Variants in CDH23 observed in about 807,000 individuals in gnomAD.
The protein encoded by CDH23 is cadherin related 23, also known as cadherin-23.
Under a neutral mutation model 317.1 loss-of-function variants are expected in CDH23, and 189 were observed. The ratio of observed to expected loss-of-function variants is 0.60; its 90% CI spans 0.53 to 0.67. The LOEUF (loss-of-function observed/expected upper bound fraction) is 0.67, where lower values mean the gene tolerates loss of function less well. Among genes scored for constraint, CDH23 ranks in the 30% least tolerant of loss-of-function variants. The pLI is 0.00. For missense variants in CDH23, 4,401 were observed against 4,592.4 expected (o/e 0.96, Z 1.20); for synonymous variants, 1,839 against 1,876.8 (o/e 0.98, Z 0.52).
At chr10:71,412,637 T>A (rs980751165) in intron 1 of CDH23, among the ~76,000 whole-genome samples, 1 of 152,178 alleles carries the variant, frequency 6.6e-6, no homozygotes, top group African/African-American at 2.4e-5. Context: ...GCTTCCCAAG[T>A]AGCTGGGCCT....
chr10:71,512,681 C>T (rs1345046144), intron 6 of CDH23, among the ~76,000 whole-genome samples: 1 of 152,214 alleles, frequency 6.6e-6, no homozygotes, highest in African/African-American at 2.4e-5. Context: ...CTCTCCTGCC[C>T]TTGGGCTGGG....
In CDH23 at chr10:71,783,357, T is replaced by C. The variant is rs1841008472; in HGVS notation, c.5369-930T>C. Reference sequence around the variant, plus strand: ...TCACCCCGCCCCGGTCAGCTCTGAGTGGTGCTGTCTGGAAAGAACACAAGT... The same window carrying C: ...TCACCCCGCCCCGGTCAGCTCTGAGCGGTGCTGTCTGGAAAGAACACAAGT... On this transcript the variant is annotated intron_variant, in intron 41 of 69. Coordinates refer to ENST00000224721, the MANE Select transcript of CDH23 (RefSeq NM_022124.6). Among the ~76,000 whole-genome samples the C allele has an allele frequency of 2.6e-5, 4 of 152,282 alleles. No individual in the cohort carries two copies. The South Asian group carries it at 8.3e-4, about 32-fold the overall frequency.
At position 71,677,558 on chromosome 10, in the gene CDH23, C is replaced by T. The variant is rs772759153; in HGVS notation, c.1617C>T (p.Gly539=). Residue 539 remains glycine (G), a synonymous_variant, in exon 16 of 70, where the codon GGC becomes GGT. Coordinates refer to ENST00000224721, the MANE Select transcript of CDH23 (RefSeq NM_022124.6). ...FTLTIIARDG[G]GEETTGRVRI... ...TGACGATCATTGCCCGGGACGGGGG[C>T]GGCGAGGAGACCACAGGCCGGGTCA... 18 of 1,611,288 alleles carry T rather than the reference C, an allele frequency of 1.1e-5. No individual in the cohort carries two copies. Among genetic ancestry groups the T allele is most frequent in the South Asian group, 3.3e-5 (3 of 90,124 alleles).
At chr10:71,762,114 T>C in intron 38 of CDH23, 1 of 1,414,816 alleles carries the variant, frequency 7.1e-7, no homozygotes, top group Non-Finnish European at 9.3e-7. Flanking sequence ...TAGCCTCTGC[T>C]ACTTCCCAGC....
In CDH23 at chr10:71,751,353, C is replaced by T. The variant is rs1040406837; in HGVS notation, c.4845+9432C>T. ...CTGCCCCTCACCCTCAACCCCACCC[C>T]GTGAGGCCGTGGAACTCTTCAGGGA... On this transcript the variant is annotated intron_variant, in intron 38 of 69. Transcript: ENST00000224721. The surrounding 1 kb of genome is among the most constrained non-coding windows in gnomAD (Gnocchi z 4.9). 42 of 1,517,120 alleles carry T rather than the reference C, an allele frequency of 2.8e-5. No individual in the cohort carries two copies. The highest frequency in any genetic ancestry group is 2.5e-4 in the African/African-American group (18 of 72,414). The allele number at this position is 1,517,120 out of a possible 1,614,324, so 94.0% of individuals were successfully genotyped here. A position where few individuals can be genotyped will look rare whatever the true frequency, so the allele number is the denominator to read the frequency against.
In CDH23 at chr10:71,811,254, A is replaced by G. The variant is rs377077976; in HGVS notation, c.9078-61A>G. 70 of 1,612,316 alleles carry G rather than the reference A, an allele frequency of 4.3e-5. 2 individuals carry two copies. In the African/African-American group the frequency reaches 8.8e-4, roughly 20 times the overall value. On this transcript the variant is annotated intron_variant, in intron 62 of 69. Transcript: ENST00000224721. ...TGGAGGCTTGAGGCAGGAGCAGAGC[A>G]GACTGTCGGTGGTGGGGGAATGGCT...
chr10:71,623,664 G>A (rs956905107), intron 11 of CDH23, among the ~76,000 whole-genome samples: 9 of 152,214 alleles, frequency 5.9e-5, no homozygotes, highest in African/African-American at 1.4e-4. Context: ...AGTGTCTGAC[G>A]GTTTAGCAGT....
rs148866638 is a variant in CDH23 at position 71,765,644 on chromosome 10, G to A, written c.4846-12036G>A. Among the ~76,000 whole-genome samples, 194 of 152,272 alleles carry A rather than the reference G, an allele frequency of 1.3e-3. No individual in the cohort carries two copies. The South Asian group carries it at 0.019, about 15-fold the overall frequency. Reference sequence around the variant, plus strand: ...TGGAGGCAACTTCCTTGAGATGCACGGCGGGTGGGTGCATCAGAGAGAAAG... The same window carrying A: ...TGGAGGCAACTTCCTTGAGATGCACAGCGGGTGGGTGCATCAGAGAGAAAG... On this transcript the variant is annotated intron_variant, in intron 38 of 69. Coordinates refer to ENST00000224721, the MANE Select transcript of CDH23 (RefSeq NM_022124.6).
At chr10:71,787,525 C>G (rs1841138182) in intron 44 of CDH23, among the ~76,000 whole-genome samples, 1 of 146,338 alleles carries the variant, frequency 6.8e-6, no homozygotes, top group African/African-American at 2.6e-5. Flanking sequence ...AATTTTTCAA[C>G]CCTCACCCTC....
Position 71,414,047 on chromosome 10 carries a change from TTGTGTGTG to T in CDH23, c.-6+16759_-6+16766del, listed in dbSNP as rs34017042. On this transcript the variant is annotated intron_variant, in intron 1 of 69. Coordinates refer to ENST00000224721, the MANE Select transcript of CDH23 (RefSeq NM_022124.6). ...TGCTGAATTTATTAGCTCCTGGGTT[TTGTGTGTG>T]TGTGTGTGTGTGTGTGTGTGTGTGT... 2.6e-3 allele frequency among the ~76,000 whole-genome samples: 375 copies of T among 142,990 alleles called. 3 individuals are homozygous for T. The highest frequency in any genetic ancestry group is 8.9e-3 in the African/African-American group (341 of 38,218). The allele number at this position is 142,990 out of a possible 152,430, so 93.8% of individuals were successfully genotyped here.
chr10:71,712,857 G>A (rs1230211912), intron 28 of CDH23, 44 bp downstream of exon 28: 2 of 1,595,228 alleles, frequency 1.3e-6, no homozygotes, highest in African/African-American at 2.7e-5. Flanking sequence ...GGCTGGGGGA[G>A]GCGGAGCCAC....
intron 11 of CDH23, chr10:71,617,662 C>G: frequency 2.2e-6 from 1 of 462,446 alleles, no homozygotes; most frequent in Non-Finnish European, 2.8e-6. Context: ...TCATACTAAT[C>G]TAGTAGGGAT....
intron 11 of CDH23, among the ~76,000 whole-genome samples, chr10:71,640,487 C>G (rs1265118211): frequency 6.6e-6 from 1 of 152,228 alleles, no homozygotes; most frequent in Non-Finnish European, 1.5e-5. Flanking sequence ...CGGTGGCTCA[C>G]GCCTGTAATC....
At position 71,738,507 on chromosome 10, in the gene CDH23, A is replaced by T. The variant is rs1169540818; in HGVS notation, c.4219A>T (p.Thr1407Ser). 1 of 1,613,960 alleles carries T rather than the reference A, an allele frequency of 6.2e-7. No homozygotes were observed. Among genetic ancestry groups the T allele is most frequent in the South Asian group, 1.1e-5 (1 of 91,086 alleles). Residue 1407 changes from threonine to serine, a missense_variant, in exon 35 of 70, where the codon ACT becomes TCT. Transcript: ENST00000224721. ...KVDSTVKVYI[T>S]VLDENDNSPR... ...CCACGTTCACCCTCAGGTCTACATC[A>T]CTGTGCTGGACGAGAATGACAACAG... is the stretch of plus-strand genomic sequence containing the variant.
At chr10:71,673,652 C>G (rs1276802122) in intron 14 of CDH23, among the ~76,000 whole-genome samples, 1 of 152,248 alleles carries the variant, frequency 6.6e-6, no homozygotes, top group African/African-American at 2.4e-5. Context: ...AGGATTCAAA[C>G]CCAGCACAGT....
At chr10:71,708,573 G>A (rs1485348323) in intron 26 of CDH23, among the ~76,000 whole-genome samples, 1 of 152,198 alleles carries the variant, frequency 6.6e-6, no homozygotes, top group East Asian at 1.9e-4. Flanking sequence ...TCCTCCCTCT[G>A]TGGAGCCTCC....
rs968811097 is a variant in CDH23, at chr10:71,803,746, G to C, written c.7872+326G>C. ...GCACTTTGGGAGGCCAAGGCAGGTG[G>C]AACATTTGAGGTCAGGAGTTCGAGA... On this transcript the variant is annotated intron_variant, in intron 55 of 69. Transcript: ENST00000224721. Among the ~76,000 whole-genome samples the C allele has an allele frequency of 2.8e-5, 4 of 143,884 alleles. No homozygotes were observed. The Admixed American group carries it at 2.9e-4, about 11-fold the overall frequency. 94.4% of individuals were successfully genotyped at this position (143,884 alleles called of 152,430 possible).
chr10:71,806,031 TGGGGCGGGGCTTTCTTCTG>T (rs753589535), intron 56 of CDH23, 34 bp downstream of exon 56: 2 of 468,392 alleles, frequency 4.3e-6, no homozygotes, highest in Non-Finnish European at 7.1e-6. Context: ...GGGCGGGGTC[TGGGGCGGGGCTTTCTTCTG>T]GGGGCGGGTC....
chr10:71,552,606 GT>G (rs1856658999), intron 6 of CDH23, among the ~76,000 whole-genome samples: 1 of 152,172 alleles, frequency 6.6e-6, no homozygotes, highest in African/African-American at 2.4e-5. Context: ...TCCAAGGATG[GT>G]CCCAGAGCAA....
Sources: allele counts gnomAD v4.1 joint callset (sites outside exome capture counted in the v4.1 genomes callset), GRCh38; gene constraint gnomAD v4.1.1; non-coding constraint Gnocchi (gnomAD v3.1); transcripts MANE v1.5; gene names NCBI Gene and HGNC (gene_info 2026-07-23, HGNC 2026-07-21).